Variants in CENPN observed in about 807,000 individuals in gnomAD.
CENPN encodes the protein interphase centromere complex protein 32.
Under a neutral mutation model 48.6 loss-of-function variants are expected in CENPN, and 36 were observed. The observed-to-expected ratio is 0.74, with a 90% CI of 0.57 to 0.98. The LOEUF is 0.98. Ranked by LOEUF, CENPN falls within the 50% of genes least tolerant of loss-of-function variation. CENPN has a pLI of 0.00. For missense variants in CENPN, 439 were observed against 399.2 expected (o/e 1.10, Z -0.85); for synonymous variants, 166 against 135.2 (o/e 1.23, Z -1.58).
intron 6 of CENPN, among the ~76,000 whole-genome samples, chr16:81,021,092 TA>T (rs72194693): frequency 1.4e-3 from 197 of 141,322 alleles, no homozygotes; most frequent in East Asian, 1.4e-3. Context: ...AACTCCGTCT[TA>T]AAAAAAAAAA....
At chr16:81,026,089 G>GTGTA (rs750276928) in intron 8 of CENPN, among the ~76,000 whole-genome samples, 2 of 137,606 alleles carry the variant, frequency 1.5e-5, no homozygotes, top group Admixed American at 1.5e-4. Context: ...GTGTGTGTGT[G>GTGTA]TATATATATG....
At chr16:81,021,492 T>G (rs529685817) in intron 6 of CENPN, among the ~76,000 whole-genome samples, 1 of 151,988 alleles carries the variant, frequency 6.6e-6, no homozygotes, top group African/African-American at 2.4e-5. Flanking sequence ...CACAGCAGAG[T>G]GGGGTGGAGG....
chr16:81,029,174 G>A lies in CENPN; in HGVS notation c.*523G>A. On this transcript the variant is annotated 3_prime_UTR_variant, in exon 11 of 11. Transcript: ENST00000305850. ...GTCCATTCTGTTATTGTTGCAAGAG[G>A]TTGCATATTTGGTGAGTCAGTTATA... 1 of 982,288 alleles carries A rather than the reference G, an allele frequency of 1.0e-6. No individual in the cohort carries two copies. The highest frequency in any genetic ancestry group is 1.2e-6 in the Non-Finnish European group (1 of 827,190). The allele number at this position is 982,288 out of a possible 1,614,324, so 60.8% of individuals were successfully genotyped here.
chr16:81,007,417 C>G (rs1315852997), intron 1 of CENPN, 140 bp downstream of exon 1: 1 of 152,208 alleles, frequency 6.6e-6, no homozygotes, highest in Admixed American at 6.5e-5. Flanking sequence ...GTCTCGGGCT[C>G]GGGGCGAGGA....
At chr16:81,014,224 A>G in intron 3 of CENPN, 43 bp downstream of exon 3, 1 of 1,538,032 alleles carries the variant, frequency 6.5e-7, no homozygotes, top group Non-Finnish European at 9.0e-7. Flanking sequence ...CAATCAGTTT[A>G]TTAGAGGCAA....
chr16:81,024,878 A>T, intron 8 of CENPN, 100 bp downstream of exon 8: 1 of 698,500 alleles, frequency 1.4e-6, no homozygotes, highest in Non-Finnish European at 2.3e-6. Flanking sequence ...CCTAATTTAA[A>T]ACTTTTATTG....
At chr16:81,014,209 T>G in intron 3 of CENPN, 28 bp downstream of exon 3, 1 of 1,596,144 alleles carries the variant, frequency 6.3e-7, no homozygotes. Context: ...GTATTTATAC[T>G]TAACCAATCA....
rs1183207716 is a variant in CENPN, at chr16:81,029,426, G to T, written c.*775G>T. Reference sequence around the variant, plus strand: ...TTCTTTATTTATTTATTGAGACAGGGTCTCACTGTGTCACCCAAGCTGGAG... The same window carrying T: ...TTCTTTATTTATTTATTGAGACAGGTTCTCACTGTGTCACCCAAGCTGGAG... On this transcript the variant is annotated 3_prime_UTR_variant, in exon 11 of 11. Transcript: ENST00000305850. 5 of 441,798 alleles carry T rather than the reference G, an allele frequency of 1.1e-5. No individual in the cohort carries two copies. The highest frequency in any genetic ancestry group is 8.6e-5 in the African/African-American group (4 of 46,728). The allele number at this position is 441,798 out of a possible 1,614,324, so 27.4% of individuals were successfully genotyped here.
intron 6 of CENPN, chr16:81,022,206 T>A (rs151176759): frequency 4.3e-6 from 1 of 230,892 alleles, no homozygotes; most frequent in Non-Finnish European, 8.6e-6. Context: ...TACACACTTA[T>A]TTCTTCAGTA....
intron 8 of CENPN, among the ~76,000 whole-genome samples, chr16:81,026,015 C>T (rs2151707971): frequency 6.7e-6 from 1 of 149,256 alleles, no homozygotes; most frequent in South Asian, 2.1e-4. Flanking sequence ...GACCCCATCT[C>T]TTAAAAAAAA....
intron 6 of CENPN, 189 bp downstream of exon 6, chr16:81,020,465 G>A (rs757836054): frequency 9.8e-5 from 46 of 471,718 alleles, no homozygotes; most frequent in Non-Finnish European, 1.3e-4. Flanking sequence ...CAAGGCTGCC[G>A]TGAGCTGCGA....
At chr16:81,032,710 A>C (rs945402446), downstream of CENPN, 16 of 1,592,736 alleles carry the variant, frequency 1.0e-5, no homozygotes, top group African/African-American at 2.2e-4. Context: ...TGATGTCACA[A>C]CATTTAGACA....
At chr16:81,017,559 ATTAT>A (rs1051038521) in intron 4 of CENPN, among the ~76,000 whole-genome samples, 174 bp downstream of exon 4, 1 of 152,116 alleles carries the variant, frequency 6.6e-6, no homozygotes. Flanking sequence ...AAATGAGGTG[ATTAT>A]TTATTACTCA....
intron 8 of CENPN, among the ~76,000 whole-genome samples, chr16:81,026,203 A>G (rs981001294): frequency 5.6e-5 from 8 of 142,308 alleles, no homozygotes; most frequent in Admixed American, 7.4e-5. Context: ...ATGTATATAT[A>G]TGTGTGTGTA....
At chr16:81,015,919 C>G (rs1360205440) in intron 3 of CENPN, among the ~76,000 whole-genome samples, 1 of 150,814 alleles carries the variant, frequency 6.6e-6, no homozygotes, top group South Asian at 2.1e-4. Context: ...GCAGGAGAAT[C>G]ATTTGAACCC....
intron 7 of CENPN, chr16:81,024,337 G>A: frequency 6.4e-6 from 1 of 155,744 alleles, no homozygotes. Context: ...TAGGAGAAGG[G>A]GTTCAAGAGA....
At position 81,014,143 on chromosome 16, in the gene CENPN, G is replaced by C; in HGVS notation, c.179G>C (p.Arg60Pro). Residue 60 changes from arginine (R) to proline (P), a missense_variant, in exon 3 of 11, where the codon CGT becomes CCT. Physicochemically the swap from Arg to Pro is moderately radical, Grantham distance 103 (BLOSUM62 -2). Coordinates refer to ENST00000305850, the MANE Select transcript of CENPN (RefSeq NM_001100624.3). Reference protein sequence around the residue: ...QHLIHLCEEKRASISDAALLD... With the variant: ...QHLIHLCEEKPASISDAALLD... ...ATTTGTTTTCTCTTTTAGGAAAAGCGTGCAAGTATCAGTGATGCTGCCCTG... is the reference window on the plus strand; with the variant it reads ...ATTTGTTTTCTCTTTTAGGAAAAGCCTGCAAGTATCAGTGATGCTGCCCTG... 2 of 1,613,194 alleles carry C rather than the reference G, an allele frequency of 1.2e-6. No individual in the cohort carries two copies. Among genetic ancestry groups the C allele is most frequent in the South Asian group, 1.1e-5 (1 of 91,072 alleles).
chr16:81,024,619 A>G (rs554097142), intron 7 of CENPN, 96 bp from the exon 8 acceptor site: 636 of 800,742 alleles, frequency 7.9e-4, no homozygotes, highest in Non-Finnish European at 1.1e-3. Context: ...TTGGAAAAAA[A>G]TAAACATTTG....
intron 3 of CENPN, among the ~76,000 whole-genome samples, chr16:81,016,512 A>G (rs1567549169): frequency 6.6e-6 from 1 of 152,234 alleles, no homozygotes; most frequent in African/African-American, 2.4e-5. Flanking sequence ...CTGTAATCCC[A>G]GCACTTTGGG....
Sources: gnomAD v4.1 joint callset for allele counts (sites outside exome capture counted in the v4.1 genomes callset) on GRCh38, gnomAD v4.1.1 for gene constraint, MANE v1.5 for transcripts, NCBI Gene and HGNC (gene_info 2026-07-23, HGNC 2026-07-21) for gene names.